EPSTI1: variants seen among roughly 807,000 people sequenced by gnomAD.
EPSTI1 encodes epithelial stromal interaction 1, also known as epithelial-stromal interaction protein 1.
In EPSTI1, 66 loss-of-function variants were observed where a neutral mutation model predicts 49.9. The observed-to-expected ratio is 1.32, with a 90% CI of 1.08 to 1.62. The LOEUF (loss-of-function observed/expected upper bound fraction) is 1.62. Ranked by LOEUF, EPSTI1 falls within the 40% of genes most tolerant of loss-of-function variation. EPSTI1 has a pLI of 0.00. For missense variants in EPSTI1, 394 were observed against 365.5 expected, an observed-to-expected ratio of 1.08 and a Z score of -0.64; for synonymous variants, 137 against 130.7, an observed-to-expected ratio of 1.05 and a Z score of -0.33.
intron 6 of EPSTI1, among the ~76,000 whole-genome samples, chr13:42,953,620 A>G (rs1477592876): frequency 1.3e-5 from 2 of 152,246 alleles, no homozygotes; most frequent in African/African-American, 4.8e-5. Context: ...CTGCTTAGGC[A>G]CTTCAGTGCA....
intron 8 of EPSTI1, among the ~76,000 whole-genome samples, chr13:42,911,863 G>A (rs755536583): frequency 1.3e-4 from 20 of 151,978 alleles, no homozygotes; most frequent in East Asian, 9.6e-4. Context: ...TTCTAAATTC[G>A]TAGATCAGAT....
At chr13:42,907,901 A>G (rs1454449462) in intron 8 of EPSTI1, among the ~76,000 whole-genome samples, 1 of 152,240 alleles carries the variant, frequency 6.6e-6, no homozygotes, top group African/African-American at 2.4e-5. Context: ...GTACTGGCAT[A>G]CAAACCAATG....
intron 7 of EPSTI1, among the ~76,000 whole-genome samples, chr13:42,925,022 G>T (rs556886404): frequency 6.6e-6 from 1 of 152,234 alleles, no homozygotes; most frequent in East Asian, 1.9e-4. Flanking sequence ...CCCTTATCCA[G>T]AGTCATCCTT....
intron 8 of EPSTI1, among the ~76,000 whole-genome samples, chr13:42,910,333 C>T (rs2037633049): frequency 7.3e-6 from 1 of 137,012 alleles, no homozygotes; most frequent in Non-Finnish European, 1.5e-5. Flanking sequence ...GCAGTCTTGG[C>T]TTACTGCAAC....
intron 5 of EPSTI1, among the ~76,000 whole-genome samples, chr13:42,954,879 C>T (rs2039211416): frequency 6.6e-6 from 1 of 152,176 alleles, no homozygotes; most frequent in African/African-American, 2.4e-5. Context: ...TGGATTTGCC[C>T]AGAAGAGGAC....
At chr13:42,961,258 G>A (rs1187822869) in intron 5 of EPSTI1, among the ~76,000 whole-genome samples, 1 of 152,088 alleles carries the variant, frequency 6.6e-6, no homozygotes, top group African/African-American at 2.4e-5. Flanking sequence ...AGCAGGAGGG[G>A]AAATTAATCT....
At chr13:42,929,841 A>G (rs1382710881) in intron 6 of EPSTI1, among the ~76,000 whole-genome samples, 1 of 152,234 alleles carries the variant, frequency 6.6e-6, no homozygotes, top group East Asian at 1.9e-4. Flanking sequence ...CACACAGACT[A>G]TGGTGGTGTT....
rs577478850 is a variant in EPSTI1, at chr13:42,963,618, G to T, written c.406-280C>A. The T allele has an allele frequency of 8.4e-5, 35 of 417,840 alleles. No homozygotes were observed. The East Asian group carries it at 8.9e-4, about 11-fold the overall frequency. 25.9% of individuals were successfully genotyped at this position (417,840 alleles called of 1,614,324 possible). Reference sequence around the variant, plus strand: ...TCTCTCTCTGTGTGTATGTGTGTGTGGTGTGTGTGTGTATTGGGGAGGGAA... The same window carrying T: ...TCTCTCTCTGTGTGTATGTGTGTGTTGTGTGTGTGTGTATTGGGGAGGGAA... On this transcript the variant is annotated intron_variant, in intron 4 of 10. Coordinates refer to ENST00000313624, the MANE Select transcript of EPSTI1 (RefSeq NM_033255.5).
At chr13:42,913,470 T>A (rs1255761924) in intron 8 of EPSTI1, among the ~76,000 whole-genome samples, 2 of 152,180 alleles carry the variant, frequency 1.3e-5, no homozygotes, top group East Asian at 3.9e-4. Flanking sequence ...AGTAGTATAC[T>A]TCATATTGAT....
chr13:42,942,361 C>T (rs2038780025), intron 6 of EPSTI1, among the ~76,000 whole-genome samples: 1 of 151,970 alleles, frequency 6.6e-6, no homozygotes, highest in African/African-American at 2.4e-5. Context: ...TTGAAAAATT[C>T]CCCCTTCTTT....
chr13:42,965,599 T>C (rs557859537), intron 3 of EPSTI1, among the ~76,000 whole-genome samples: 58 of 152,310 alleles, frequency 3.8e-4, no homozygotes, highest in African/African-American at 1.3e-3. Context: ...CTGAATTCTA[T>C]GTCTTCTGTG....
intron 6 of EPSTI1, among the ~76,000 whole-genome samples, chr13:42,935,234 G>C (rs186228205): frequency 6.6e-6 from 1 of 152,246 alleles, no homozygotes; most frequent in East Asian, 1.9e-4. Context: ...CTAAACCACT[G>C]ATTCCCCACC....
intron 10 of EPSTI1, among the ~76,000 whole-genome samples, chr13:42,894,314 G>GT (rs971290556): frequency 2.6e-4 from 40 of 152,324 alleles, no homozygotes; most frequent in African/African-American, 9.4e-4. Flanking sequence ...AAGGGAGTGA[G>GT]TGAGAGAGAG....
chr13:42,935,106 T>G (rs912247792), intron 6 of EPSTI1, among the ~76,000 whole-genome samples: 16 of 152,222 alleles, frequency 1.1e-4, no homozygotes, highest in Non-Finnish European at 2.2e-4. Flanking sequence ...TTGTCATGAA[T>G]AAATGTCCTC....
At chr13:42,978,077 C>T (rs1461972970) in intron 1 of EPSTI1, among the ~76,000 whole-genome samples, 2 of 151,874 alleles carry the variant, frequency 1.3e-5, no homozygotes, top group Non-Finnish European at 2.9e-5. Context: ...GGCGTGAACC[C>T]GGGAGGCGGA....
At chr13:42,921,227 G>T (rs1039299255) in intron 7 of EPSTI1, among the ~76,000 whole-genome samples, 1 of 152,126 alleles carries the variant, frequency 6.6e-6, no homozygotes, top group Non-Finnish European at 1.5e-5. Flanking sequence ...AAGAAAAGAT[G>T]ATATTAAAAT....
chr13:42,976,750 A>G (rs946943633), intron 1 of EPSTI1, among the ~76,000 whole-genome samples: 1 of 152,228 alleles, frequency 6.6e-6, no homozygotes, highest in Non-Finnish European at 1.5e-5. Flanking sequence ...AAAGAAACAT[A>G]CTTGTAAAAG....
intron 2 of EPSTI1, 118 bp downstream of exon 2, chr13:42,970,494 A>G (rs1687140515): frequency 1.2e-6 from 1 of 842,786 alleles, no homozygotes. Flanking sequence ...AAAACAAAAA[A>G]CCTTGATGAG....
At chr13:42,892,631 G>T (rs2037070743) in intron 10 of EPSTI1, among the ~76,000 whole-genome samples, 1 of 152,162 alleles carries the variant, frequency 6.6e-6, no homozygotes, top group South Asian at 2.1e-4. Flanking sequence ...AGATGTGTTG[G>T]GTAGGCAACT....
Sources: allele counts gnomAD v4.1 joint callset (sites outside exome capture counted in the v4.1 genomes callset), GRCh38; gene constraint gnomAD v4.1.1; transcripts MANE v1.5; gene names NCBI Gene and HGNC (gene_info 2026-07-23, HGNC 2026-07-21).